Variants in IARS1 observed in about 807,000 individuals in gnomAD.
IARS1 encodes isoleucine--tRNA ligase, cytoplasmic.
A neutral mutation model predicts 168.2 loss-of-function variants in IARS1; 124 were observed. The ratio of observed to expected loss-of-function variants is 0.74; its 90% CI spans 0.64 to 0.86. IARS1 has a LOEUF of 0.86. IARS1 is among the 40% of genes least tolerant of loss of function. IARS1 has a pLI of 0.00. For synonymous variants in IARS1, 532 were observed against 529.4 expected (o/e 1.00, Z -0.07); for missense variants, 1,452 against 1,515.8 (o/e 0.96, Z 0.70).
chr9:92,252,492 C>T (rs574540828), intron 21 of IARS1: 328 of 457,414 alleles, frequency 7.2e-4, no homozygotes, highest in Admixed American at 1.4e-3. Flanking sequence ...ACTGGCCAGG[C>T]ACGGTGGTTC....
At chr9:92,285,680 T>C (rs1393928369) in intron 6 of IARS1, 42 bp downstream of exon 6, 3 of 1,286,900 alleles carry the variant, frequency 2.3e-6, no homozygotes, top group East Asian at 4.7e-5. Context: ...AGCTTCCACC[T>C]ACAAAACTCA....
intron 7 of IARS1, 26 bp from the exon 8 acceptor site, chr9:92,278,312 C>T (rs1287425435): frequency 4.7e-6 from 7 of 1,497,912 alleles, no homozygotes; most frequent in Admixed American, 1.7e-5. Context: ...AAAACATGGA[C>T]TTGGGTTATA....
At chr9:92,273,652 A>C (rs1474651029) in intron 10 of IARS1, among the ~76,000 whole-genome samples, 6 of 152,266 alleles carry the variant, frequency 3.9e-5, no homozygotes, top group Non-Finnish European at 7.3e-5. Flanking sequence ...ACTATACAAC[A>C]TATCAATGTA....
At chr9:92,244,904 TC>T in intron 27 of IARS1, 54 bp downstream of exon 27, 1 of 1,394,536 alleles carries the variant, frequency 7.2e-7, no homozygotes, top group Non-Finnish European at 1.0e-6. Context: ...AAATACTTTC[TC>T]CTCTTATGCT....
rs759402211 is a variant in IARS1, at chr9:92,223,498, AAC to A, written c.3410-11_3410-10del. The stretch of plus-strand genomic sequence containing the variant: ...AGTTTGGTTTTGTATTTCTAAAAAT[AAC>A]AACAACAATTCTTTCAGGGTTAACG... On this transcript the variant is annotated splice_polypyrimidine_tract_variant and intron_variant, in intron 31 of 33. Coordinates refer to ENST00000443024, the MANE Select transcript of IARS1 (RefSeq NM_002161.6). The A allele has an allele frequency of 6.2e-7, 1 of 1,605,446 alleles. No individual in the cohort carries two copies. Among genetic ancestry groups the A allele is most frequent in the South Asian group, 1.1e-5 (1 of 90,034 alleles).
intron 13 of IARS1, among the ~76,000 whole-genome samples, chr9:92,268,679 C>G (rs531065890): frequency 6.6e-6 from 1 of 152,220 alleles, no homozygotes; most frequent in Non-Finnish European, 1.5e-5. Context: ...GCCAACAGGC[C>G]AGGGGATTGG....
intron 33 of IARS1, among the ~76,000 whole-genome samples, chr9:92,214,393 T>C (rs1838272766): frequency 6.6e-6 from 1 of 152,138 alleles, no homozygotes; most frequent in Middle Eastern, 3.4e-3. Flanking sequence ...CTGTCTCTAC[T>C]AAAATTACAA....
chr9:92,229,206 C>T, intron 30 of IARS1, 80 bp from the exon 31 acceptor site: 3 of 1,445,358 alleles, frequency 2.1e-6, no homozygotes, highest in Middle Eastern at 3.6e-4. Flanking sequence ...AAAAGGGATA[C>T]AAAGGGGTTC....
At chr9:92,243,659 A>T (rs868685852) in intron 27 of IARS1, among the ~76,000 whole-genome samples, 2 of 152,298 alleles carry the variant, frequency 1.3e-5, no homozygotes, top group Middle Eastern at 3.4e-3. Context: ...TAAGATCAAT[A>T]ATCATGAAGC....
intron 6 of IARS1, among the ~76,000 whole-genome samples, chr9:92,285,234 C>G (rs1835254692): frequency 6.6e-6 from 1 of 152,184 alleles, no homozygotes; most frequent in Admixed American, 6.5e-5. Context: ...CTGTAAACAT[C>G]AAACATGTCT....
chr9:92,278,134 T>C, intron 8 of IARS1, 65 bp downstream of exon 8: 1 of 1,204,118 alleles, frequency 8.3e-7, no homozygotes, highest in Non-Finnish European at 1.2e-6. Context: ...TTATTTCTTT[T>C]TAAAACTAAA....
rs569051511 is a variant in IARS1, at chr9:92,270,974, T to G, written c.1205+11A>C. 5.6e-6 allele frequency: 9 copies of G among 1,597,494 alleles called. No individual in the cohort carries two copies. In the South Asian group the frequency reaches 1.0e-4, roughly 18 times the overall value. ...AGCTCTAGCTACAACACAGTCTTTG[T>G]TTCTTCTGACCTCCAGCAAAAAGGG... On this transcript the variant is annotated intron_variant, in intron 12 of 33. Transcript: ENST00000443024.
chr9:92,278,691 C>A (rs1486111945), intron 7 of IARS1, among the ~76,000 whole-genome samples: 4 of 152,120 alleles, frequency 2.6e-5, no homozygotes, highest in African/African-American at 4.8e-5. Flanking sequence ...TATATACAAA[C>A]AAACATATAG....
At chr9:92,248,544 T>C (rs535128189) in intron 25 of IARS1, among the ~76,000 whole-genome samples, 17 of 150,404 alleles carry the variant, frequency 1.1e-4, no homozygotes, top group African/African-American at 3.9e-4. Flanking sequence ...TCTCCGCCAC[T>C]TGGGAGGCTG....
Position 92,269,978 on chromosome 9 carries a change from T to C in IARS1, c.1211A>G (p.Asp404Gly). The C allele has an allele frequency of 6.2e-7, 1 of 1,611,210 alleles. No homozygotes were observed. Among genetic ancestry groups the C allele is most frequent in the Non-Finnish European group, 8.5e-7 (1 of 1,177,464 alleles). The stretch of plus-strand genomic sequence containing the variant: ...CACTGCTTTGTAAATTAGAGGAGTG[T>C]CTGATCTGGGGAAGCAGAAACACAC... ...THSYPFCWRS[D>G]TPLIYKAVPS... The change falls in exon 13 of 34, where the codon GAC (aspartate) becomes GGC (glycine). Residue 404 changes from aspartate (D) to glycine (G), a missense_variant. By Grantham distance (94) the Asp-to-Gly change is moderately conservative. Coordinates refer to ENST00000443024, the MANE Select transcript of IARS1 (RefSeq NM_002161.6).
Position 92,256,738 on chromosome 9 carries a change from G to C in IARS1, c.2079C>G (p.Asp693Glu). 1.2e-6 allele frequency: 2 copies of C among 1,613,788 alleles called. No homozygotes were observed. Among genetic ancestry groups the C allele is most frequent in the Non-Finnish European group, 1.7e-6 (2 of 1,179,742 alleles). The change falls in exon 20 of 34, where the codon GAC becomes GAG. Residue 693 changes from aspartate (D) to glutamate (E), a missense_variant. By Grantham distance (45) the Asp-to-Glu change is conservative. Coordinates refer to ENST00000443024, the MANE Select transcript of IARS1 (RefSeq NM_002161.6). ...ACTGCATGAAGGACAGGATCCACCGGTCTGTAATGTTGGGGCTTTCTCTAA... is the reference window on the plus strand; with the variant it reads ...ACTGCATGAAGGACAGGATCCACCGCTCTGTAATGTTGGGGCTTTCTCTAA... ...NTVRESPNITDRWILSFMQSL... is the reference protein window; with the variant it reads ...NTVRESPNITERWILSFMQSL...
chr9:92,211,486 T>C (rs919450560), intron 33 of IARS1, among the ~76,000 whole-genome samples: 5 of 152,144 alleles, frequency 3.3e-5, no homozygotes. Flanking sequence ...TTTAGGAAAA[T>C]CCCTGGAACT....
chr9:92,277,955 G>T, intron 8 of IARS1, 32 bp from the exon 9 acceptor site: 1 of 1,596,124 alleles, frequency 6.3e-7, no homozygotes, highest in Non-Finnish European at 8.6e-7. Context: ...CTCACAATTA[G>T]ATTAAAATCA....
At position 92,278,194 on chromosome 9, in the gene IARS1, T is replaced by C. The variant is rs1380685995; in HGVS notation, c.833+5A>G. The stretch of plus-strand genomic sequence containing the variant: ...CAAACACAGAGCAACTATTTGAATA[T>C]TCACCTTTCAAGGATCTCATAGTCA... On this transcript the variant is annotated splice_donor_5th_base_variant and intron_variant, in intron 8 of 33. Coordinates refer to ENST00000443024, the MANE Select transcript of IARS1 (RefSeq NM_002161.6). 16 of 1,552,720 alleles carry C rather than the reference T, an allele frequency of 1.0e-5. No homozygotes were observed. Among genetic ancestry groups the C allele is most frequent in the Non-Finnish European group, 1.4e-5 (16 of 1,123,902 alleles).
Sources: gnomAD v4.1 joint callset for allele counts (sites outside exome capture counted in the v4.1 genomes callset) on GRCh38, gnomAD v4.1.1 for gene constraint, MANE v1.5 for transcripts, NCBI Gene and HGNC (gene_info 2026-07-23, HGNC 2026-07-21) for gene names.